KCNJ6: variants seen among roughly 807,000 people sequenced by gnomAD.
KCNJ6 encodes G protein-activated inward rectifier potassium channel 2.
KCNJ6 carries 9 observed loss-of-function variants against 34.2 expected under a neutral mutation model. That is an observed-to-expected ratio of 0.26 (90% CI 0.16 to 0.46). The LOEUF (loss-of-function observed/expected upper bound fraction) is 0.46, where lower values mean the gene tolerates loss of function less well. Ranked by LOEUF, KCNJ6 falls within the 20% of genes least tolerant of loss-of-function variation. KCNJ6 has a pLI of 1.00. For synonymous variants in KCNJ6, 196 were observed against 207.1 expected, an observed-to-expected ratio of 0.95 and a Z score of 0.46; for missense variants, 236 against 531.3, an observed-to-expected ratio of 0.44 and a Z score of 5.46.
intron 3 of KCNJ6, among the ~76,000 whole-genome samples, chr21:37,679,983 G>A (rs1214402804): frequency 3.9e-5 from 6 of 152,214 alleles, no homozygotes; most frequent in Non-Finnish European, 8.8e-5. Flanking sequence ...GGATACCATT[G>A]TGACCATTTT....
At chr21:37,906,898 G>C (rs1052085172) in intron 1 of KCNJ6, among the ~76,000 whole-genome samples, 1 of 152,208 alleles carries the variant, frequency 6.6e-6, no homozygotes, top group African/African-American at 2.4e-5. Flanking sequence ...AAATTTAAGA[G>C]GGTGAATATG....
intron 3 of KCNJ6, among the ~76,000 whole-genome samples, chr21:37,682,754 G>T (rs1569444566): frequency 6.6e-6 from 1 of 152,210 alleles, no homozygotes; most frequent in Non-Finnish European, 1.5e-5. Flanking sequence ...CTACAGATGG[G>T]TTGGTGCTTA....
intron 3 of KCNJ6, among the ~76,000 whole-genome samples, chr21:37,669,661 T>G (rs1166228505): frequency 6.6e-6 from 1 of 151,954 alleles, no homozygotes; most frequent in Non-Finnish European, 1.5e-5. Flanking sequence ...GCTTTGGACA[T>G]TTTCATGATG....
intron 2 of KCNJ6, among the ~76,000 whole-genome samples, chr21:37,777,018 A>G: frequency 6.6e-6 from 1 of 152,110 alleles, no homozygotes; most frequent in Non-Finnish European, 1.5e-5. Context: ...TATTGCCTCA[A>G]TTTCAGAGCC....
At chr21:37,744,332 T>C (rs1172303226) in intron 2 of KCNJ6, among the ~76,000 whole-genome samples, 1 of 151,778 alleles carries the variant, frequency 6.6e-6, no homozygotes, top group African/African-American at 2.4e-5. Flanking sequence ...ATAAAAAAAA[T>C]GGATAGTATA....
chr21:37,892,945 C>T (rs1314162939), intron 1 of KCNJ6, among the ~76,000 whole-genome samples: 1 of 150,098 alleles, frequency 6.7e-6, no homozygotes, highest in Non-Finnish European at 1.5e-5. Context: ...CTCCACCTCC[C>T]GGGTTCACAC....
chr21:37,631,031 G>A (rs551697608), intron 3 of KCNJ6, among the ~76,000 whole-genome samples: 2 of 152,194 alleles, frequency 1.3e-5, no homozygotes, highest in African/African-American at 4.8e-5. Context: ...TAACACTTCA[G>A]TGACCTATCA....
Position 37,634,915 on chromosome 21 carries a change from C to T in KCNJ6, c.947-9431G>A, listed in dbSNP as rs116943575. ...CTGGGATTACAGGCTTGCACCACCA[C>T]GGCTGCTAATTTTTGTATTTTTTGT... On this transcript the variant is annotated intron_variant, in intron 3 of 3. Coordinates refer to ENST00000609713, the MANE Select transcript of KCNJ6 (RefSeq NM_002240.5). Among the ~76,000 whole-genome samples, 668 of 152,096 alleles carry T rather than the reference C, an allele frequency of 4.4e-3. 5 individuals carry two copies. The highest frequency in any genetic ancestry group is 6.8e-3 in the Non-Finnish European group (464 of 67,994).
intron 2 of KCNJ6, among the ~76,000 whole-genome samples, chr21:37,760,536 A>G (rs1383793270): frequency 1.3e-5 from 2 of 152,192 alleles, no homozygotes; most frequent in African/African-American, 4.8e-5. Flanking sequence ...TAAGTCCAAC[A>G]GCGTGAGGCT....
chr21:37,707,276 T>C (rs374658665), intron 3 of KCNJ6, among the ~76,000 whole-genome samples: 1 of 152,172 alleles, frequency 6.6e-6, no homozygotes, highest in Non-Finnish European at 1.5e-5. Context: ...CTGGGGACAA[T>C]GAAGATGCTC....
Position 37,609,255 on chromosome 21 carries a change from T to A in KCNJ6, c.*15904A>T, listed in dbSNP as rs183365729. ...CCCAATTCTGACACCTGCTGGGCTTTGCTTTCTTTGCTTAACTAGTTCTTG... is the reference window on the plus strand; with the variant it reads ...CCCAATTCTGACACCTGCTGGGCTTAGCTTTCTTTGCTTAACTAGTTCTTG... On this transcript the variant is annotated 3_prime_UTR_variant, in exon 4 of 4. Coordinates refer to ENST00000609713, the MANE Select transcript of KCNJ6 (RefSeq NM_002240.5). 1 of 152,316 alleles carries A rather than the reference T, an allele frequency of 6.6e-6. No homozygotes were observed. Among genetic ancestry groups the A allele is most frequent in the African/African-American group, 2.4e-5 (1 of 41,576 alleles). 9.4% of individuals were successfully genotyped at this position (152,316 alleles called of 1,614,324 possible).
At chr21:37,906,745 G>C (rs2055843643) in intron 1 of KCNJ6, among the ~76,000 whole-genome samples, 1 of 152,124 alleles carries the variant, frequency 6.6e-6, no homozygotes, top group Non-Finnish European at 1.5e-5. Flanking sequence ...CTTGAGTGCT[G>C]ATTAAAAAAG....
intron 2 of KCNJ6, among the ~76,000 whole-genome samples, chr21:37,720,922 TG>T (rs1415485898): frequency 4.0e-5 from 6 of 151,740 alleles, no homozygotes; most frequent in African/African-American, 1.2e-4. Flanking sequence ...TTAGCCAGGA[TG>T]GTCTCGATCT....
rs1453412769 is a variant in KCNJ6, at chr21:37,655,276, AGAGAGAGAGT to A, written c.947-29802_947-29793del. ...GAGAGAGAGAGAGAGAGAGAGAGAG[AGAGAGAGAGT>A]GTAACCATGAAGAGGTAATTGATAC... is the stretch of plus-strand genomic sequence containing the variant. On this transcript the variant is annotated intron_variant, in intron 3 of 3. Coordinates refer to ENST00000609713, the MANE Select transcript of KCNJ6 (RefSeq NM_002240.5). Among the ~76,000 whole-genome samples, 117 of 86,140 alleles carry A rather than the reference AGAGAGAGAGT, an allele frequency of 1.4e-3. 1 individual carries two copies. The highest frequency in any genetic ancestry group is 7.5e-3 in the African/African-American group (114 of 15,220). 56.5% of individuals were successfully genotyped at this position (86,140 alleles called of 152,430 possible).
chr21:37,813,983 A>G (rs1445828348), intron 2 of KCNJ6, among the ~76,000 whole-genome samples: 1 of 152,216 alleles, frequency 6.6e-6, no homozygotes, highest in Non-Finnish European at 1.5e-5. Context: ...AGAATAGGAG[A>G]AAATATGTGA....
chr21:37,755,978 G>C (rs894862664), intron 2 of KCNJ6, among the ~76,000 whole-genome samples: 1 of 152,244 alleles, frequency 6.6e-6, no homozygotes, highest in Non-Finnish European at 1.5e-5. Flanking sequence ...CTCAGAGCTT[G>C]AGAAGAAAAA....
chr21:37,826,708 C>A (rs925406475), intron 2 of KCNJ6, among the ~76,000 whole-genome samples: 5 of 152,084 alleles, frequency 3.3e-5, no homozygotes, highest in Non-Finnish European at 7.4e-5. Flanking sequence ...AGAAAGATTT[C>A]TTTCTTCCTT....
chr21:37,737,015 G>A (rs2054916577), intron 2 of KCNJ6, among the ~76,000 whole-genome samples: 1 of 152,196 alleles, frequency 6.6e-6, no homozygotes, highest in Non-Finnish European at 1.5e-5. Flanking sequence ...TTGGGGGCAC[G>A]ATGCTTTTCC....
chr21:37,797,553 C>T (rs1227203788), intron 2 of KCNJ6, among the ~76,000 whole-genome samples: 1 of 152,096 alleles, frequency 6.6e-6, no homozygotes, highest in African/African-American at 2.4e-5. Flanking sequence ...GAAAACATGA[C>T]AGTGACACTG....
Sources: allele counts gnomAD v4.1 joint callset (sites outside exome capture counted in the v4.1 genomes callset), GRCh38; gene constraint gnomAD v4.1.1; transcripts MANE v1.5; gene names NCBI Gene and HGNC (gene_info 2026-07-23, HGNC 2026-07-21).